Variants in TMEM94 observed in about 807,000 individuals in gnomAD.
TMEM94 encodes transmembrane protein 94.
TMEM94 carries 81 observed loss-of-function variants against 158.6 expected under a neutral mutation model. That is an observed-to-expected ratio of 0.51 (90% confidence interval 0.43 to 0.61). The LOEUF (loss-of-function observed/expected upper bound fraction) is 0.61. Among genes scored for constraint, TMEM94 ranks in the 20% least tolerant of loss-of-function variants. TMEM94 has a pLI of 0.00. For synonymous variants in TMEM94, 751 were observed against 730.7 expected (o/e 1.03, Z -0.45); for missense variants, 1,435 against 1,762.0 (o/e 0.81, Z 3.32).
At position 75,499,045 on chromosome 17, in the gene TMEM94, G is replaced by T. The variant is rs776382676; in HGVS notation, c.3961G>T (p.Val1321Leu). Reference protein sequence around the residue: ...LLGCLSLVLVVVTNEIVKLHE... With the variant: ...LLGCLSLVLVLVTNEIVKLHE... ...GGGCTGCCTGTCCCTGGTCCTTGTG[G>T]TGGTGACCAATGAGATCGTGAAGCT... is the stretch of plus-strand genomic sequence containing the variant. Residue 1321 changes from valine (V) to leucine (L), a missense_variant, in exon 31 of 32, where the codon GTG (valine) becomes TTG (leucine). By Grantham distance (32) the Val-to-Leu change is conservative. Coordinates refer to ENST00000314256, the MANE Select transcript of TMEM94 (RefSeq NM_014738.6). The T allele has an allele frequency of 1.3e-6, 2 of 1,599,146 alleles. No homozygotes were observed. The highest frequency in any genetic ancestry group is 2.7e-5 in the African/African-American group (2 of 74,714).
intron 2 of TMEM94, among the ~76,000 whole-genome samples, chr17:75,477,079 AG>A (rs745588204): frequency 2.4e-4 from 37 of 152,158 alleles, no homozygotes; most frequent in Non-Finnish European, 4.6e-4. Flanking sequence ...ATCCCTCCTC[AG>A]GGCCAATGAA....
In TMEM94 at chr17:75,497,805, C is replaced by G; in HGVS notation, c.3432C>G (p.Pro1144=). ...GCATCTCTCTGCTGGGGAAGCCCCC[C>G]CATAGCTCCATCATGTCTATGGCAA... The part of the protein sequence containing the change: ...LLSISLLGKP[P]HSSIMSMATG... Residue 1144 remains proline, a synonymous_variant, in exon 27 of 32, where the codon CCC becomes CCG. Coordinates refer to ENST00000314256, the MANE Select transcript of TMEM94 (RefSeq NM_014738.6). 1.9e-6 allele frequency: 3 copies of G among 1,613,974 alleles called. No homozygotes were observed. Among genetic ancestry groups the G allele is most frequent in the East Asian group, 2.2e-5 (1 of 44,884 alleles).
At chr17:75,475,843 AAGGTGTTGGAGTCTTCAGAGGCCCTTT>A (rs1325926755) in intron 2 of TMEM94, among the ~76,000 whole-genome samples, 7 of 152,144 alleles carry the variant, frequency 4.6e-5, no homozygotes, top group Admixed American at 1.3e-4. Flanking sequence ...ACCTGGCAGG[AAGGTGTTGGAGTCTTCAGAGGCCCTTT>A]GGGCTGGCTC....
chr17:75,494,734 C>T lies in TMEM94; in HGVS notation c.2515C>T (p.Arg839Cys), dbSNP rs1315955020. Reference protein sequence around the residue: ...SQYQARLDIVRLIDGLVNACI... With the variant: ...SQYQARLDIVCLIDGLVNACI... ...GTACCAGGCCCGGCTGGACATCGTGCGCCTCATTGATGGGCTTGTCAACGC... is the reference window on the plus strand; with the variant it reads ...GTACCAGGCCCGGCTGGACATCGTGTGCCTCATTGATGGGCTTGTCAACGC... The change falls in exon 19 of 32, where the codon CGC (arginine) becomes TGC (cysteine). Residue 839 changes from arginine (R) to cysteine (C), a missense_variant. Physicochemically the swap from Arg to Cys is radical, Grantham distance 180. Transcript: ENST00000314256. The T allele has an allele frequency of 8.7e-6, 14 of 1,613,628 alleles. No homozygotes were observed. Among genetic ancestry groups the T allele is most frequent in the East Asian group, 2.2e-5 (1 of 44,902 alleles).
At chr17:75,463,029 AAAAAAAAAATATATATATATATAT>A (rs1567904448) in intron 1 of TMEM94, among the ~76,000 whole-genome samples, 5 of 11,332 alleles carry the variant, frequency 4.4e-4, no homozygotes, top group African/African-American at 1.6e-3. Flanking sequence ...AAAAAAAAAA[AAAAAAAAAATATATATATATATAT>A]ATATATATAT....
rs762696843 is a variant in TMEM94, at chr17:75,489,373, G to A, written c.867+5G>A. 8.7e-6 allele frequency: 14 copies of A among 1,613,504 alleles called. No homozygotes were observed. The highest frequency in any genetic ancestry group is 4.0e-5 in the African/African-American group (3 of 74,934). The stretch of plus-strand genomic sequence containing the variant: ...TATGCTGTGCCCGTGGTCCTGGTGC[G>A]TGTGGCGGGGCTGTGCGGGGCTGCA... On this transcript the variant is annotated splice_donor_5th_base_variant and intron_variant, in intron 8 of 31. Coordinates refer to ENST00000314256, the MANE Select transcript of TMEM94 (RefSeq NM_014738.6). This position sits in a 1 kb window ranked among gnomAD's most constrained non-coding sequence, Gnocchi z 5.0.
rs761811205 is a variant in TMEM94 at position 75,490,222 on chromosome 17, G to T, written c.955-12G>T. The stretch of plus-strand genomic sequence containing the variant: ...AGCTCAGGAGCCATCTGTGTGGTCC[G>T]CTCCTTCCCAGGTGAATGGCGTCCT... On this transcript the variant is annotated splice_polypyrimidine_tract_variant and intron_variant, in intron 9 of 31. Coordinates refer to ENST00000314256, the MANE Select transcript of TMEM94 (RefSeq NM_014738.6). The T allele has an allele frequency of 6.2e-7, 1 of 1,613,728 alleles. No homozygotes were observed.
chr17:75,493,031 T>C lies in TMEM94; in HGVS notation c.2015T>C (p.Leu672Pro), dbSNP rs767349117. ...ATGAAGGAGACATCGCTGGGGCGGC[T>C]CTCCTGTGTCACCAAGCGGCGGCCT... ...ETMKETSLGR[L>P]SCVTKRRPPL... The change falls in exon 16 of 32, where the codon CTC becomes CCC. Residue 672 changes from leucine to proline, a missense_variant. Transcript: ENST00000314256. 6.2e-7 allele frequency: 1 copy of C among 1,613,638 alleles called. No individual in the cohort carries two copies. Among genetic ancestry groups the C allele is most frequent in the Non-Finnish European group, 8.5e-7 (1 of 1,180,022 alleles).
intron 5 of TMEM94, among the ~76,000 whole-genome samples, chr17:75,486,644 C>G (rs1182751603): frequency 6.6e-6 from 1 of 152,132 alleles, no homozygotes; most frequent in Non-Finnish European, 1.5e-5. Context: ...GCTGGGCAGG[C>G]AGGAAGGCCA....
intron 6 of TMEM94, 58 bp downstream of exon 6, chr17:75,488,192 A>G: frequency 1.3e-6 from 2 of 1,547,690 alleles, no homozygotes; most frequent in Non-Finnish European, 1.8e-6. Flanking sequence ...ACAGGCAACG[A>G]TGGGAGGGTC....
intron 1 of TMEM94, among the ~76,000 whole-genome samples, chr17:75,462,737 T>G (rs554451381): frequency 3.1e-4 from 46 of 148,908 alleles, no homozygotes; most frequent in African/African-American, 1.1e-3. Flanking sequence ...TATCTGTAAT[T>G]CCGGCACTTT....
intron 10 of TMEM94, 28 bp downstream of exon 10, chr17:75,490,378 A>T (rs759710411): frequency 1.2e-6 from 2 of 1,605,094 alleles, no homozygotes; most frequent in Admixed American, 3.4e-5. Context: ...GTCTGGGGGA[A>T]GTCACAGGAA....
At chr17:75,457,796 A>G (rs1162423752) in intron 1 of TMEM94, 2 of 152,232 alleles carry the variant, frequency 1.3e-5, no homozygotes, top group East Asian at 3.8e-4. Context: ...AGGGTCACCT[A>G]GAGCCAAACT....
intron 2 of TMEM94, among the ~76,000 whole-genome samples, chr17:75,483,966 G>C (rs1206242493): frequency 6.6e-6 from 1 of 152,178 alleles, no homozygotes; most frequent in Non-Finnish European, 1.5e-5. Context: ...TGGCCTATGG[G>C]GTAGACGGAT....
In TMEM94 at chr17:75,495,342, C is replaced by T; in HGVS notation, c.2787C>T (p.Leu929=). ...TGGAGGAGGAGGGCCACTCGGACCT[C>T]ATCAGCTTCCAGCCTACGGACAGCG... ...LLMEEEGHSD[L]ISFQPTDSDI... is the part of the protein sequence containing the mutation. Residue 929 remains leucine, a synonymous_variant, in exon 21 of 32, where the codon CTC becomes CTT. Transcript: ENST00000314256. The surrounding 1 kb of genome is among the most constrained non-coding windows in gnomAD (Gnocchi z 5.6). 1 of 1,613,940 alleles carries T rather than the reference C, an allele frequency of 6.2e-7. No individual in the cohort carries two copies. The highest frequency in any genetic ancestry group is 8.5e-7 in the Non-Finnish European group (1 of 1,180,008).
chr17:75,498,694 C>G lies in TMEM94; in HGVS notation c.3799C>G (p.Leu1267Val). The stretch of plus-strand genomic sequence containing the variant: ...GTGGAGAAAGAGCCCCTTGACCAAC[C>G]TCTGGTGGGCCGTGACAGTGCCTGT... ...PLWRKSPLTN[L>V]WWAVTVPVVL... The change falls in exon 30 of 32, where the codon CTC (leucine) becomes GTC (valine). Residue 1267 changes from leucine (L) to valine (V), a missense_variant. By Grantham distance (32) the Leu-to-Val change is conservative. Transcript: ENST00000314256. This position sits in a 1 kb window ranked among gnomAD's most constrained non-coding sequence, Gnocchi z 6.7. The G allele has an allele frequency of 6.3e-7, 1 of 1,580,222 alleles. No homozygotes were observed. The highest frequency in any genetic ancestry group is 8.6e-7 in the Non-Finnish European group (1 of 1,161,852).
rs903866805 is a variant in TMEM94 at position 75,456,675 on chromosome 17, G to C, written c.-183G>C. 6.6e-6 allele frequency: 1 copy of C among 152,342 alleles called. No individual in the cohort carries two copies. Among genetic ancestry groups the C allele is most frequent in the African/African-American group, 2.4e-5 (1 of 41,458 alleles). The allele number at this position is 152,342 out of a possible 1,614,324, so 9.4% of individuals were successfully genotyped here. On this transcript the variant is annotated 5_prime_UTR_variant, in exon 1 of 32. Transcript: ENST00000314256. ...AGTAACGGACATGGCTGCGGCCCCC[G>C]GAGGAGGGGACGTGAAGTGAGGAGG...
At position 75,495,500 on chromosome 17, in the gene TMEM94, G is replaced by A. The variant is rs1436508030; in HGVS notation, c.2845-44G>A. 1.2e-6 allele frequency: 2 copies of A among 1,603,100 alleles called. No homozygotes were observed. Among genetic ancestry groups the A allele is most frequent in the East Asian group, 2.2e-5 (1 of 44,822 alleles). ...TGGGCAGGCGGTGGAGGGGAGGGATGCTGATCCCCATCCCGAAGCCGCTGG... is the reference window on the plus strand; with the variant it reads ...TGGGCAGGCGGTGGAGGGGAGGGATACTGATCCCCATCCCGAAGCCGCTGG... On this transcript the variant is annotated intron_variant, in intron 21 of 31. Transcript: ENST00000314256. The surrounding 1 kb of genome is among the most constrained non-coding windows in gnomAD (Gnocchi z 5.6).
chr17:75,488,796 TC>T lies in TMEM94; in HGVS notation c.657del (p.Phe220SerfsTer31), dbSNP rs753764149. 2 of 1,613,020 alleles carry T rather than the reference TC, an allele frequency of 1.2e-6. No homozygotes were observed. The highest frequency in any genetic ancestry group is 1.7e-6 in the Non-Finnish European group (2 of 1,179,630). ...ATCGTCCTGGAGCCGGGAGACCTCT[TC>T]CCCCCCTTCTCCCCTCCACCCTCAC... is the stretch of plus-strand genomic sequence containing the variant. ...EHIVLEPGDLFPPFSPPPSPR... is the reference protein window; with the variant it reads ...EHIVLEPGDLXPPFSPPPSPR... On this transcript the variant is annotated frameshift_variant, in exon 7 of 32. Transcript: ENST00000314256. LOFTEE classifies it high-confidence loss of function.
Sources: allele counts gnomAD v4.1 joint callset (sites outside exome capture counted in the v4.1 genomes callset), GRCh38; gene constraint gnomAD v4.1.1; non-coding constraint Gnocchi (gnomAD v3.1); transcripts MANE v1.5; gene names NCBI Gene and HGNC (gene_info 2026-07-23, HGNC 2026-07-21).